Variants in MAGI2 observed in about 807,000 individuals in gnomAD.
The protein encoded by MAGI2 is membrane associated guanylate kinase, WW and PDZ domain containing 2.
Under a neutral mutation model 133.3 loss-of-function variants are expected in MAGI2, and 35 were observed. The ratio of observed to expected loss-of-function variants is 0.26; its 90% CI spans 0.20 to 0.35. The LOEUF (loss-of-function observed/expected upper bound fraction) is 0.35, where lower values mean the gene tolerates loss of function less well. Among genes scored for constraint, MAGI2 ranks in the 10% least tolerant of loss-of-function variants. The pLI, the probability that MAGI2 is intolerant of heterozygous loss-of-function variation, is 1.00. For missense variants in MAGI2, 1,636 were observed against 1,863.4 expected (o/e 0.88, Z 2.25); for synonymous variants, 729 against 710.6 (o/e 1.03, Z -0.41).
rs947703630 is a variant in MAGI2, at chr7:79,114,673, A to G, written c.302-107467T>C. Among the ~76,000 whole-genome samples the G allele has an allele frequency of 2.6e-5, 4 of 152,116 alleles. No homozygotes were observed. The East Asian group carries it at 5.8e-4, about 22-fold the overall frequency. On this transcript the variant is annotated intron_variant, in intron 1 of 21. Coordinates refer to ENST00000354212, the MANE Select transcript of MAGI2 (RefSeq NM_012301.4). The stretch of plus-strand genomic sequence containing the variant: ...ATTACAGGACACACAGAGCCCCCCC[A>G]TTACCAAGAAAGGAATCCAGGTACT...
chr7:78,427,173 A>G (rs1360023876), intron 6 of MAGI2, among the ~76,000 whole-genome samples: 2 of 152,152 alleles, frequency 1.3e-5, no homozygotes, highest in Non-Finnish European at 2.9e-5. Flanking sequence ...GAAATAGAGG[A>G]AAAAAGAAAT....
At chr7:78,260,092 A>G (rs1056692597) in intron 9 of MAGI2, among the ~76,000 whole-genome samples, 5 of 152,202 alleles carry the variant, frequency 3.3e-5, no homozygotes, top group Non-Finnish European at 5.9e-5. Context: ...ATAAAACTAT[A>G]TAACAACTTG....
At chr7:78,752,616 C>A (rs1490782003) in intron 2 of MAGI2, among the ~76,000 whole-genome samples, 2 of 152,068 alleles carry the variant, frequency 1.3e-5, no homozygotes, top group Non-Finnish European at 2.9e-5. Context: ...AAAATAAAAT[C>A]TCATCATAGT....
chr7:79,313,802 CTT>C (rs34753875), intron 1 of MAGI2, among the ~76,000 whole-genome samples: 79,055 of 138,296 alleles, frequency 0.57, 24,037 homozygotes, highest in Non-Finnish European at 0.68. Flanking sequence ...ATTTAATTTA[CTT>C]TTTTTTTTTT....
chr7:79,204,580 A>C (rs578055042), intron 1 of MAGI2, among the ~76,000 whole-genome samples: 1 of 152,166 alleles, frequency 6.6e-6, no homozygotes, highest in African/African-American at 2.4e-5. Context: ...GGAAAACATA[A>C]CATCATCAAA....
At chr7:78,324,243 A>G (rs1403968862) in intron 9 of MAGI2, among the ~76,000 whole-genome samples, 1 of 151,474 alleles carries the variant, frequency 6.6e-6, no homozygotes, top group Non-Finnish European at 1.5e-5. Flanking sequence ...GGGGAAAAAA[A>G]AAACAGAAGG....
chr7:79,047,327 T>A (rs892972025), intron 1 of MAGI2, among the ~76,000 whole-genome samples: 1 of 152,088 alleles, frequency 6.6e-6, no homozygotes, highest in Non-Finnish European at 1.5e-5. Context: ...TTACTCTTTA[T>A]TAAATTAGAA....
chr7:78,304,320 C>T (rs1798081030), intron 9 of MAGI2, among the ~76,000 whole-genome samples: 1 of 152,176 alleles, frequency 6.6e-6, no homozygotes, highest in African/African-American at 2.4e-5. Context: ...TTAGCTCTTG[C>T]CACTCCAGCC....
chr7:79,147,935 T>A (rs1822808567), intron 1 of MAGI2, among the ~76,000 whole-genome samples: 1 of 152,140 alleles, frequency 6.6e-6, no homozygotes, highest in Admixed American at 6.6e-5. Flanking sequence ...AGGTATCGTA[T>A]CCACTGACAT....
At chr7:79,442,781 T>C (rs1482022627) in intron 1 of MAGI2, among the ~76,000 whole-genome samples, 1 of 152,104 alleles carries the variant, frequency 6.6e-6, no homozygotes, top group South Asian at 2.1e-4. Context: ...GTATATGACT[T>C]GCTAGAATGG....
chr7:79,331,923 G>A (rs1840102256), intron 1 of MAGI2, among the ~76,000 whole-genome samples: 1 of 147,978 alleles, frequency 6.8e-6, no homozygotes. Context: ...ATGTGCACAT[G>A]TACCCTAAAA....
chr7:78,139,907 G>A (rs2150553840), intron 16 of MAGI2, among the ~76,000 whole-genome samples: 1 of 152,312 alleles, frequency 6.6e-6, no homozygotes, highest in South Asian at 2.1e-4. Flanking sequence ...TCCCATAGAT[G>A]AATGAACTCT....
chr7:79,146,572 G>C (rs1163159530), intron 1 of MAGI2, among the ~76,000 whole-genome samples: 1 of 152,108 alleles, frequency 6.6e-6, no homozygotes, highest in Non-Finnish European at 1.5e-5. Context: ...TCATGTAGGT[G>C]GTTTCCCCCA....
chr7:78,033,807 G>T (rs1352356787), intron 21 of MAGI2, among the ~76,000 whole-genome samples: 1 of 152,032 alleles, frequency 6.6e-6, no homozygotes, highest in Non-Finnish European at 1.5e-5. Context: ...AAGGGGGAGG[G>T]GTGCATGGGA....
chr7:78,773,654 AG>A (rs1361601308), intron 2 of MAGI2, among the ~76,000 whole-genome samples: 2 of 152,210 alleles, frequency 1.3e-5, no homozygotes, highest in East Asian at 3.9e-4. Context: ...CCTTAAGGCG[AG>A]GCAGGACAGT....
chr7:79,320,730 A>G (rs1345265683), intron 1 of MAGI2, among the ~76,000 whole-genome samples: 1 of 152,054 alleles, frequency 6.6e-6, no homozygotes, highest in Non-Finnish European at 1.5e-5. Context: ...TATTTTTTTA[A>G]TTTCAAATGT....
At chr7:78,361,425 C>A (rs555802524) in intron 7 of MAGI2, among the ~76,000 whole-genome samples, 95 of 148,438 alleles carry the variant, frequency 6.4e-4, no homozygotes, top group African/African-American at 2.3e-3. Context: ...ACAAATACAA[C>A]CCCCCTCCCC....
intron 21 of MAGI2, among the ~76,000 whole-genome samples, chr7:78,042,282 C>T (rs765570393): frequency 5.3e-5 from 8 of 152,132 alleles, no homozygotes; most frequent in Non-Finnish European, 1.2e-4. Flanking sequence ...TGATGAGTTA[C>T]CCAAAGAGGA....
In MAGI2 at chr7:79,091,830, T is replaced by A. The variant is rs991177531; in HGVS notation, c.302-84624A>T. On this transcript the variant is annotated intron_variant, in intron 1 of 21. Transcript: ENST00000354212. ...CACCAAATTTGAATGTTACGTAATT[T>A]TTTATGTCACAATACAGTATTCTTC... 1.6e-4 allele frequency among the ~76,000 whole-genome samples: 24 copies of A among 151,990 alleles called. No individual in the cohort carries two copies. In the East Asian group the frequency reaches 4.4e-3, roughly 28 times the overall value.
Sources: allele counts gnomAD v4.1 joint callset (sites outside exome capture counted in the v4.1 genomes callset), GRCh38; gene constraint gnomAD v4.1.1; transcripts MANE v1.5; gene names NCBI Gene and HGNC (gene_info 2026-07-23, HGNC 2026-07-21).